Variants in PCNX2 observed in about 807,000 individuals in gnomAD.
PCNX2 encodes the protein pecanex 2.
In PCNX2, 168 loss-of-function variants were observed where a neutral mutation model predicts 223.8. The ratio of observed to expected loss-of-function variants is 0.75; its 90% confidence interval spans 0.66 to 0.85. The LOEUF is 0.85. PCNX2 is among the 40% of genes least tolerant of loss of function. The probability of loss-of-function intolerance (pLI) is 0.00; values close to 1 mark genes in which losing one functional copy is unlikely to be tolerated. For missense variants in PCNX2, 2,507 were observed against 2,675.5 expected, an observed-to-expected ratio of 0.94 and a Z score of 1.39; for synonymous variants, 1,006 against 1,052.6, an observed-to-expected ratio of 0.96 and a Z score of 0.86.
At chr1:233,165,722 T>C (rs1678754636) in intron 17 of PCNX2, among the ~76,000 whole-genome samples, 1 of 152,038 alleles carries the variant, frequency 6.6e-6, no homozygotes, top group South Asian at 2.1e-4. Context: ...ATAAACTAAA[T>C]AAATAAATGG....
chr1:233,180,230 C>T (rs950737674), intron 15 of PCNX2, among the ~76,000 whole-genome samples: 7 of 152,132 alleles, frequency 4.6e-5, no homozygotes, highest in African/African-American at 1.4e-4. Flanking sequence ...TGAAAAGAGG[C>T]ACTTCAGGTT....
At chr1:233,200,939 T>C (rs1019841292) in intron 13 of PCNX2, among the ~76,000 whole-genome samples, 4 of 143,246 alleles carry the variant, frequency 2.8e-5, no homozygotes, top group African/African-American at 5.2e-5. Context: ...GGCAGGAGAA[T>C]GGCGTGAACC....
At chr1:233,108,991 C>T (rs1166309746) in intron 21 of PCNX2, among the ~76,000 whole-genome samples, 1 of 152,142 alleles carries the variant, frequency 6.6e-6, no homozygotes, top group Admixed American at 6.5e-5. Context: ...CTCTGAGGTG[C>T]AGCCTGAAAG....
rs769357939 is a variant in PCNX2 at position 232,999,332 on chromosome 1, C to T, written c.5376G>A (p.Glu1792=). The change falls in exon 31 of 34, where the codon GAG becomes GAA. Residue 1792 remains glutamate, a synonymous_variant. Coordinates refer to ENST00000258229, the MANE Select transcript of PCNX2 (RefSeq NM_014801.4). ...GATTGCGGTTGCGAAGAAATATAAG[C>T]TCCTGCTGCTGCCCGGCCCAAAGTC... is the stretch of plus-strand genomic sequence containing the variant. ...VRGLWAGQQQ[E]LIFLRNRNPE... is the part of the protein sequence containing the mutation. 1 of 1,601,828 alleles carries T rather than the reference C, an allele frequency of 6.2e-7. No individual in the cohort carries two copies. The highest frequency in any genetic ancestry group is 8.5e-7 in the Non-Finnish European group (1 of 1,174,064).
intron 25 of PCNX2, among the ~76,000 whole-genome samples, chr1:233,040,257 T>C (rs1671596548): frequency 6.6e-6 from 1 of 152,210 alleles, no homozygotes; most frequent in Non-Finnish European, 1.5e-5. Flanking sequence ...ATAAGGATTG[T>C]GCACACATAC....
At chr1:233,180,314 C>T (rs1165347454) in intron 15 of PCNX2, among the ~76,000 whole-genome samples, 1 of 152,136 alleles carries the variant, frequency 6.6e-6, no homozygotes, top group African/African-American at 2.4e-5. Context: ...ATGGGAAATA[C>T]ATGTTACCAC....
At chr1:233,136,066 G>A (rs1011170342) in intron 20 of PCNX2, among the ~76,000 whole-genome samples, 6 of 152,206 alleles carry the variant, frequency 3.9e-5, no homozygotes, top group African/African-American at 1.4e-4. Context: ...AGATTGGAGG[G>A]CAAATGATCA....
At chr1:233,109,377 CAG>C (rs1308385995) in intron 21 of PCNX2, among the ~76,000 whole-genome samples, 2 of 152,082 alleles carry the variant, frequency 1.3e-5, no homozygotes, top group African/African-American at 4.8e-5. Context: ...AACGATCTGA[CAG>C]GGGATTTAAA....
At chr1:233,273,188 A>G (rs1047209415) in intron 1 of PCNX2, among the ~76,000 whole-genome samples, 3 of 151,764 alleles carry the variant, frequency 2.0e-5, no homozygotes, top group African/African-American at 7.3e-5. Context: ...ATATAAAAAA[A>G]TAATAATTTA....
At chr1:233,313,900 G>A in the PCNX2 span, among the ~76,000 whole-genome samples, 8 of 152,236 alleles carry the variant, frequency 5.3e-5, no homozygotes, top group Non-Finnish European at 1.0e-4. Flanking sequence ...TGAGAAAGGT[G>A]CTGGTGGGAG....
intron 12 of PCNX2, among the ~76,000 whole-genome samples, chr1:233,212,860 T>C (rs1681897147): frequency 6.6e-6 from 1 of 152,274 alleles, no homozygotes; most frequent in Admixed American, 6.5e-5. Context: ...GGATTGAGTA[T>C]TGAGAAATTA....
At chr1:232,986,670 G>T in intron 32 of PCNX2, 130 bp from the exon 33 acceptor site, 1 of 844,976 alleles carries the variant, frequency 1.2e-6, no homozygotes, top group Non-Finnish European at 1.7e-6. Flanking sequence ...GCAAGGCTGG[G>T]ACAAGAGCTG....
chr1:233,009,578 C>G (rs536803704), intron 28 of PCNX2, among the ~76,000 whole-genome samples: 1 of 152,296 alleles, frequency 6.6e-6, no homozygotes, highest in South Asian at 2.1e-4. Context: ...TCAAGCGGAT[C>G]AACTACTATT....
chr1:233,213,294 C>G (rs115835856), intron 12 of PCNX2, among the ~76,000 whole-genome samples: 1 of 151,992 alleles, frequency 6.6e-6, no homozygotes, highest in African/African-American at 2.4e-5. Flanking sequence ...CCAAAAGGAG[C>G]CTACAGAGAC....
intron 4 of PCNX2, among the ~76,000 whole-genome samples, chr1:233,261,057 A>G (rs1050345048): frequency 1.3e-5 from 2 of 152,240 alleles, no homozygotes; most frequent in African/African-American, 4.8e-5. Flanking sequence ...AGAAATGACA[A>G]TGAATTATGA....
chr1:233,289,976 G>A (rs987036933), intron 1 of PCNX2, among the ~76,000 whole-genome samples: 1 of 152,132 alleles, frequency 6.6e-6, no homozygotes, highest in Non-Finnish European at 1.5e-5. Context: ...TTTACACTAA[G>A]TCATCTTATA....
intron 21 of PCNX2, among the ~76,000 whole-genome samples, chr1:233,123,417 T>TA (rs1173139729): frequency 1.3e-5 from 2 of 151,736 alleles, no homozygotes; most frequent in Non-Finnish European, 2.9e-5. Flanking sequence ...CCATCTCTAC[T>TA]AAAAAAATAC....
the PCNX2 span, among the ~76,000 whole-genome samples, chr1:233,323,893 C>T: frequency 1.1e-3 from 163 of 152,264 alleles, no homozygotes; most frequent in Non-Finnish European, 1.7e-3. Flanking sequence ...GAGGAAGGCA[C>T]GTGAAAAGCC....
rs1238711372 is a variant in PCNX2 at position 233,143,542 on chromosome 1, G to A, written c.3518-3687C>T. 2.6e-5 allele frequency among the ~76,000 whole-genome samples: 4 copies of A among 152,298 alleles called. No individual in the cohort carries two copies. The South Asian group carries it at 6.2e-4, about 24-fold the overall frequency. ...TCAGATTCAATCCTGGACCCAATGA[G>A]TCAGAAATTCTGCGGATTGGGCCCT... On this transcript the variant is annotated intron_variant, in intron 19 of 33. Transcript: ENST00000258229.
Sources: gnomAD v4.1 joint callset for allele counts (sites outside exome capture counted in the v4.1 genomes callset) on GRCh38, gnomAD v4.1.1 for gene constraint, MANE v1.5 for transcripts, NCBI Gene and HGNC (gene_info 2026-07-23, HGNC 2026-07-21) for gene names.